Variants in M1AP observed in about 807,000 individuals in gnomAD.
M1AP encodes meiosis 1 arrest protein.
Under a neutral mutation model 51.2 loss-of-function variants are expected in M1AP, and 39 were observed. That is an observed-to-expected ratio of 0.76 (90% CI 0.59 to 1.00). The LOEUF is 1.00. Among genes scored for constraint, M1AP ranks in the 50% least tolerant of loss-of-function variants. The probability of loss-of-function intolerance (pLI) is 0.00; values close to 1 mark genes in which losing one functional copy is unlikely to be tolerated. For synonymous variants in M1AP, 251 were observed against 249.2 expected, an observed-to-expected ratio of 1.01 and a Z score of -0.07; for missense variants, 545 against 641.2, an observed-to-expected ratio of 0.85 and a Z score of 1.62.
At chr2:74,586,459 C>T (rs1438556226) in intron 4 of M1AP, among the ~76,000 whole-genome samples, 4 of 152,150 alleles carry the variant, frequency 2.6e-5, no homozygotes, top group Admixed American at 6.5e-5. Context: ...TTCCTTAGTG[C>T]TTTCATTAAT....
intron 8 of M1AP, among the ~76,000 whole-genome samples, chr2:74,561,730 G>A (rs932590648): frequency 6.6e-6 from 1 of 152,036 alleles, no homozygotes; most frequent in African/African-American, 2.4e-5. Context: ...ACCAGTCTGC[G>A]CAAAGACAAA....
chr2:74,647,159 C>G, intron 1 of M1AP: 1 of 935,876 alleles, frequency 1.1e-6, no homozygotes, highest in South Asian at 4.9e-5. Context: ...TCCAATTACA[C>G]CACTGGAAAC....
intron 7 of M1AP, among the ~76,000 whole-genome samples, chr2:74,571,718 C>T (rs28706567): frequency 0.056 from 8,562 of 152,120 alleles, 687 homozygotes; most frequent in African/African-American, 0.18. Context: ...GTTTTGCGGC[C>T]AGGCACGGTG....
intron 2 of M1AP, among the ~76,000 whole-genome samples, chr2:74,626,470 G>A (rs1356299437): frequency 6.6e-6 from 1 of 151,880 alleles, no homozygotes; most frequent in East Asian, 1.9e-4. Context: ...TGTTGCTCAG[G>A]CTGGTTGTGA....
chr2:74,617,034 A>G (rs1681709348), intron 2 of M1AP, among the ~76,000 whole-genome samples: 1 of 152,208 alleles, frequency 6.6e-6, no homozygotes, highest in Non-Finnish European at 1.5e-5. Context: ...CTATAAAAGA[A>G]ATGTAACTTA....
intron 5 of M1AP, among the ~76,000 whole-genome samples, chr2:74,580,393 G>A (rs982121353): frequency 2.0e-5 from 3 of 152,150 alleles, no homozygotes; most frequent in Admixed American, 2.0e-4. Context: ...TTGGACAAAA[G>A]AGGTGGAAAG....
At chr2:74,570,701 G>T (rs962481155) in intron 7 of M1AP, among the ~76,000 whole-genome samples, 3 of 152,172 alleles carry the variant, frequency 2.0e-5, no homozygotes, top group Non-Finnish European at 4.4e-5. Flanking sequence ...AAAATTTAAG[G>T]TTTCTGTATT....
intron 2 of M1AP, among the ~76,000 whole-genome samples, chr2:74,624,495 G>A (rs1459329801): frequency 6.6e-6 from 1 of 151,978 alleles, no homozygotes; most frequent in Non-Finnish European, 1.5e-5. Flanking sequence ...TTTCATTGGA[G>A]GTCAGGTCAA....
At chr2:74,610,825 G>A (rs1433545485) in intron 3 of M1AP, among the ~76,000 whole-genome samples, 1 of 152,132 alleles carries the variant, frequency 6.6e-6, no homozygotes, top group Non-Finnish European at 1.5e-5. Flanking sequence ...GTCATATATG[G>A]TCTTCATTGT....
intron 1 of M1AP, among the ~76,000 whole-genome samples, chr2:74,642,145 A>G (rs1258818837): frequency 6.6e-6 from 1 of 152,196 alleles, no homozygotes; most frequent in African/African-American, 2.4e-5. Context: ...AATTAATTTT[A>G]CGAGGTTAGC....
At position 74,580,586 on chromosome 2, in the gene M1AP, C is replaced by T. The variant is rs964751551; in HGVS notation, c.769+1088G>A. On this transcript the variant is annotated intron_variant, in intron 5 of 10. Transcript: ENST00000421985. ...GTAGTAACACCTCCAAAAAGCCCTCCCCTGTCCTAAAGAAACAATGGTCAT... is the reference window on the plus strand; with the variant it reads ...GTAGTAACACCTCCAAAAAGCCCTCTCCTGTCCTAAAGAAACAATGGTCAT... Among the ~76,000 whole-genome samples the T allele has an allele frequency of 2.6e-5, 4 of 152,214 alleles. No homozygotes were observed. In the South Asian group the frequency reaches 6.2e-4, roughly 24 times the overall value.
intron 2 of M1AP, among the ~76,000 whole-genome samples, chr2:74,633,814 GT>G (rs1333283383): frequency 1.3e-5 from 2 of 152,116 alleles, no homozygotes; most frequent in African/African-American, 4.8e-5. Flanking sequence ...TCTTCAGACA[GT>G]TCCCTCCTCT....
At chr2:74,637,965 T>C (rs569746089) in intron 2 of M1AP, among the ~76,000 whole-genome samples, 39 of 152,312 alleles carry the variant, frequency 2.6e-4, no homozygotes, top group African/African-American at 9.1e-4. Flanking sequence ...ATCCATCTCC[T>C]TGACTCAAGG....
At chr2:74,566,084 G>A (rs1020654076) in intron 7 of M1AP, among the ~76,000 whole-genome samples, 2 of 152,136 alleles carry the variant, frequency 1.3e-5, no homozygotes, top group Non-Finnish European at 2.9e-5. Flanking sequence ...TGGGAGGTGT[G>A]CTGAAGACCA....
At chr2:74,603,890 C>T (rs980291156) in intron 4 of M1AP, among the ~76,000 whole-genome samples, 5 of 152,084 alleles carry the variant, frequency 3.3e-5, no homozygotes, top group African/African-American at 4.8e-5. Context: ...CATCTGCACG[C>T]GACCAGAAAG....
rs1052906426 is a variant in M1AP, at chr2:74,599,784, A to G, written c.595+7271T>C. 4.0e-4 allele frequency among the ~76,000 whole-genome samples: 61 copies of G among 151,826 alleles called. 1 individual carries two copies. Among genetic ancestry groups the G allele is most frequent in the Non-Finnish European group, 7.4e-5 (5 of 67,966 alleles). On this transcript the variant is annotated intron_variant, in intron 4 of 10. Transcript: ENST00000421985. ...CTATATATAATACACACACACAGAC[A>G]CACACACACGAATCAGCTTGTCAAG... is the stretch of plus-strand genomic sequence containing the variant.
chr2:74,560,145 C>CGGTACCT lies in M1AP; in HGVS notation c.1421_1422+5dup. The stretch of plus-strand genomic sequence containing the variant: ...AAGGAAGAGGAGGGAAGGAGGGGAG[C>CGGTACCT]GGTACCTTTCTCGGAGCTCGGCTCT... On this transcript the variant is annotated splice_donor_region_variant and intron_variant, in intron 9 of 10. Transcript: ENST00000421985. 6.2e-7 allele frequency: 1 copy of CGGTACCT among 1,613,062 alleles called. No individual in the cohort carries two copies. Among genetic ancestry groups the CGGTACCT allele is most frequent in the Non-Finnish European group, 8.5e-7 (1 of 1,179,790 alleles).
At chr2:74,593,109 A>G (rs1168844034) in intron 4 of M1AP, among the ~76,000 whole-genome samples, 1 of 152,196 alleles carries the variant, frequency 6.6e-6, no homozygotes, top group Non-Finnish European at 1.5e-5. Flanking sequence ...AGTGCTGTCA[A>G]ACGTGTTAGG....
chr2:74,585,505 C>T (rs1168053922), intron 4 of M1AP, among the ~76,000 whole-genome samples: 1 of 152,210 alleles, frequency 6.6e-6, no homozygotes, highest in African/African-American at 2.4e-5. Context: ...GTTAGGTCCT[C>T]CTGGCAGCCA....
Sources: allele counts gnomAD v4.1 joint callset (sites outside exome capture counted in the v4.1 genomes callset), GRCh38; gene constraint gnomAD v4.1.1; transcripts MANE v1.5; gene names NCBI Gene and HGNC (gene_info 2026-07-23, HGNC 2026-07-21).